The following CEP85 variants were observed in gnomAD, a reference collection of about 807,000 sequenced individuals.
The protein encoded by CEP85 is centrosomal protein 85, also known as centrosomal protein of 85 kDa.
Under a neutral mutation model 93.7 loss-of-function variants are expected in CEP85, and 58 were observed. The ratio of observed to expected loss-of-function variants is 0.62; its 90% confidence interval spans 0.50 to 0.77. The LOEUF (loss-of-function observed/expected upper bound fraction) is 0.77. Among genes scored for constraint, CEP85 ranks in the 30% least tolerant of loss-of-function variants. The pLI is 0.00. For missense variants in CEP85, 868 were observed against 922.0 expected (o/e 0.94, Z 0.76); for synonymous variants, 314 against 338.6 (o/e 0.93, Z 0.80).
intron 2 of CEP85, among the ~76,000 whole-genome samples, chr1:26,242,287 C>T (rs1447665019): frequency 1.3e-5 from 2 of 152,062 alleles, no homozygotes; most frequent in East Asian, 3.8e-4. Flanking sequence ...TTTCAAAAGG[C>T]CTGGCAAATT....
At chr1:26,267,274 C>A (rs1458808939) in intron 7 of CEP85, among the ~76,000 whole-genome samples, 1 of 152,156 alleles carries the variant, frequency 6.6e-6, no homozygotes, top group Non-Finnish European at 1.5e-5. Flanking sequence ...ATAAGGGATA[C>A]AATTCAGGGC....
chr1:26,268,407 GA>G (rs1234035674), intron 7 of CEP85, 75 bp from the exon 8 acceptor site: 1 of 1,558,974 alleles, frequency 6.4e-7, no homozygotes, highest in Non-Finnish European at 8.8e-7. Flanking sequence ...GCAGTCAGCT[GA>G]GATCACAGCA....
intron 13 of CEP85, 119 bp from the exon 14 acceptor site, chr1:26,277,017 T>C: frequency 8.8e-7 from 1 of 1,137,692 alleles, no homozygotes. Context: ...CCCCAGATGC[T>C]TTTTTTAAAG....
chr1:26,259,676 G>T lies in CEP85; in HGVS notation c.1215G>T (p.Leu405Phe), dbSNP rs75187071. ...AGTTTGCACAGAAGACAGAAGCCTT[G>T]AGCAGAGAAAAGATTGACCTTGAAA... Reference protein sequence around the residue: ...RAQFAQKTEALSREKIDLEKK... With the variant: ...RAQFAQKTEAFSREKIDLEKK... The change falls in exon 7 of 14, where the codon TTG (leucine) becomes TTT (phenylalanine). Residue 405 changes from leucine to phenylalanine, a missense_variant. Leu to Phe is a conservative substitution (Grantham distance 22, BLOSUM62 0). Transcript: ENST00000451429. 9.9e-4 allele frequency: 1,597 copies of T among 1,614,048 alleles called. 14 individuals are homozygous for T. The African/African-American group carries it at 0.019, about 19-fold the overall frequency.
chr1:26,246,010 T>C (rs1209327261), intron 3 of CEP85, among the ~76,000 whole-genome samples: 1 of 152,126 alleles, frequency 6.6e-6, no homozygotes, highest in Admixed American at 6.5e-5. Flanking sequence ...ATCACTTTGT[T>C]ACACAGGTTG....
At chr1:26,247,794 A>T (rs141708258) in intron 3 of CEP85, among the ~76,000 whole-genome samples, 1 of 152,204 alleles carries the variant, frequency 6.6e-6, no homozygotes, top group East Asian at 1.9e-4. Flanking sequence ...GGCGTGTACC[A>T]TCACACTCAG....
At position 26,273,432 on chromosome 1, in the gene CEP85, A is replaced by G. The variant is rs535201746; in HGVS notation, c.1794+1361A>G. Among the ~76,000 whole-genome samples the G allele has an allele frequency of 2.0e-5, 3 of 152,316 alleles. No homozygotes were observed. The South Asian group carries it at 6.2e-4, about 32-fold the overall frequency. ...TTCAAGTCCTGTAAGGAGGTAGTCA[A>G]GCCTGGCAAGCATTTTAATACATAC... On this transcript the variant is annotated intron_variant, in intron 11 of 13. Transcript: ENST00000451429.
chr1:26,266,370 G>A (rs554921826), intron 7 of CEP85, among the ~76,000 whole-genome samples: 1 of 152,328 alleles, frequency 6.6e-6, no homozygotes, highest in South Asian at 2.1e-4. Flanking sequence ...ATGGGTGACA[G>A]AGCAAGACCC....
At position 26,244,199 on chromosome 1, in the gene CEP85, G is replaced by A; in HGVS notation, c.89G>A (p.Gly30Glu). The A allele has an allele frequency of 6.2e-7, 1 of 1,613,572 alleles. No homozygotes were observed. Residue 30 changes from glycine to glutamate, a missense_variant, in exon 3 of 14, where the codon GGG becomes GAG. Transcript: ENST00000451429. The part of the protein sequence containing the change: ...SDVIQKGSSL[G>E]TEWQTPVISE... Reference sequence around the variant, plus strand: ...GTGATTCAGAAGGGCAGTTCCCTGGGGACTGAATGGCAGACCCCAGTTATC... The same window carrying A: ...GTGATTCAGAAGGGCAGTTCCCTGGAGACTGAATGGCAGACCCCAGTTATC...
At chr1:26,257,814 A>C in intron 5 of CEP85, 84 bp downstream of exon 5, 1 of 1,469,322 alleles carries the variant, frequency 6.8e-7, no homozygotes, top group Non-Finnish European at 9.4e-7. Flanking sequence ...CCAAGGGCAA[A>C]GCATTCCTCC....
At chr1:26,247,836 T>C (rs2089535579) in intron 3 of CEP85, among the ~76,000 whole-genome samples, 1 of 152,118 alleles carries the variant, frequency 6.6e-6, no homozygotes, top group South Asian at 2.1e-4. Context: ...TGTTTTGTTT[T>C]GCGTGTGGAG....
rs994498641 is a variant in CEP85, at chr1:26,264,962, A to G, written c.1342-3521A>G. Among the ~76,000 whole-genome samples the G allele has an allele frequency of 8.2e-5, 12 of 145,902 alleles. 1 individual carries two copies. Among genetic ancestry groups the G allele is most frequent in the African/African-American group, 3.1e-4 (12 of 39,140 alleles). Reference sequence around the variant, plus strand: ...TACCTGAGTAGCTGGGATTACAGGCATGTACCACCACACCCGGCTTTTTTT... The same window carrying G: ...TACCTGAGTAGCTGGGATTACAGGCGTGTACCACCACACCCGGCTTTTTTT... On this transcript the variant is annotated intron_variant, in intron 7 of 13. Coordinates refer to ENST00000451429, the MANE Select transcript of CEP85 (RefSeq NM_001319944.2).
intron 1 of CEP85, among the ~76,000 whole-genome samples, chr1:26,236,290 T>G (rs1056587721): frequency 2.3e-4 from 35 of 152,224 alleles, no homozygotes; most frequent in African/African-American, 8.2e-4. Flanking sequence ...TTGAGCACAG[T>G]GTTTGATAGG....
At chr1:26,259,091 CT>C (rs1183833799) in intron 6 of CEP85, among the ~76,000 whole-genome samples, 2 of 152,156 alleles carry the variant, frequency 1.3e-5, no homozygotes, top group African/African-American at 4.8e-5. Context: ...AGTATCCTGT[CT>C]CATAGAATCA....
rs1334010028 is a variant in CEP85 at position 26,272,063 on chromosome 1, C to T, written c.1786C>T (p.Gln596Ter). Residue 596 changes from glutamine (Q) to a stop codon, truncating the protein, a stop_gained, in exon 11 of 14, where the codon CAA becomes TAA. Coordinates refer to ENST00000451429, the MANE Select transcript of CEP85 (RefSeq NM_001319944.2). LOFTEE classifies it high-confidence loss of function. ...GCAGAAGATGGATCAGTTGCGCTCA[C>T]AAGTACAGGTGAGCAGGAATCCTTG... The part of the protein sequence containing the change: ...QQQKMDQLRS[Q>*]VQSLEQEVAQ... 2 of 1,613,858 alleles carry T rather than the reference C, an allele frequency of 1.2e-6. No individual in the cohort carries two copies. Among genetic ancestry groups the T allele is most frequent in the Non-Finnish European group, 1.7e-6 (2 of 1,179,940 alleles).
intron 7 of CEP85, 43 bp from the exon 8 acceptor site, chr1:26,268,440 G>A (rs1226764190): frequency 1.9e-6 from 3 of 1,608,636 alleles, no homozygotes; most frequent in South Asian, 1.1e-5. Context: ...CAGGGTCATA[G>A]TGGAGTGAAT....
chr1:26,236,717 A>T (rs141602880), intron 1 of CEP85, among the ~76,000 whole-genome samples: 10 of 152,346 alleles, frequency 6.6e-5, no homozygotes, highest in Non-Finnish European at 1.3e-4. Context: ...CCCCTGACAC[A>T]GCCCTCAGGT....
intron 1 of CEP85, among the ~76,000 whole-genome samples, chr1:26,238,741 A>C (rs769444955): frequency 6.6e-6 from 1 of 152,224 alleles, no homozygotes; most frequent in Non-Finnish European, 1.5e-5. Context: ...AATTTGCCCA[A>C]GGTTACACAG....
In CEP85 at chr1:26,277,313, C is replaced by G; in HGVS notation, c.*20C>G. ...CAGTGAGGAATTCTGGGGGATTCCCCCAGGGAGGAGCTGGGCTGCTGAGAG... is the reference window on the plus strand; with the variant it reads ...CAGTGAGGAATTCTGGGGGATTCCCGCAGGGAGGAGCTGGGCTGCTGAGAG... On this transcript the variant is annotated 3_prime_UTR_variant, in exon 14 of 14. Transcript: ENST00000451429. The G allele has an allele frequency of 6.2e-7, 1 of 1,602,138 alleles. No homozygotes were observed. The highest frequency in any genetic ancestry group is 1.7e-4 in the Middle Eastern group (1 of 5,998).
Sources: allele counts gnomAD v4.1 joint callset (sites outside exome capture counted in the v4.1 genomes callset), GRCh38; gene constraint gnomAD v4.1.1; transcripts MANE v1.5; gene names NCBI Gene and HGNC (gene_info 2026-07-23, HGNC 2026-07-21).